The following MYO1E variants were observed in gnomAD, a reference collection of about 807,000 sequenced individuals.
The protein encoded by MYO1E is unconventional myosin-Ie.
A neutral mutation model predicts 151.1 loss-of-function variants in MYO1E; 68 were observed. The ratio of observed to expected loss-of-function variants is 0.45; its 90% CI spans 0.37 to 0.55. MYO1E has a LOEUF of 0.55. MYO1E is among the 20% of genes least tolerant of loss of function. The pLI is 0.00. For missense variants in MYO1E, 1,363 were observed against 1,389.3 expected, an observed-to-expected ratio of 0.98 and a Z score of 0.30; for synonymous variants, 601 against 501.7, an observed-to-expected ratio of 1.20 and a Z score of -2.64.
chr15:59,243,014 CG>C (rs1368940122), intron 4 of MYO1E, among the ~76,000 whole-genome samples: 8 of 150,692 alleles, frequency 5.3e-5, no homozygotes, highest in Non-Finnish European at 7.4e-5. Flanking sequence ...TGGGGGCCAA[CG>C]GAGTTGGGAT....
rs372477809 is a variant in MYO1E, at chr15:59,223,107, T to C, written c.862A>G (p.Ile288Val). ...IVAGILHLGN[I>V]SFKEVGNYAA... ...TAGTTGCCAACTTCTTTGAAGCTGA[T>C]GTTTCCCAGGTGGAGAATACCCGCC... Residue 288 changes from isoleucine (I) to valine (V), a missense_variant, in exon 9 of 28, where the codon ATC becomes GTC. By Grantham distance (29) the Ile-to-Val change is conservative. Coordinates refer to ENST00000288235, the MANE Select transcript of MYO1E (RefSeq NM_004998.4). The C allele has an allele frequency of 5.2e-5, 84 of 1,613,980 alleles. 1 individual carries two copies. Among genetic ancestry groups the C allele is most frequent in the South Asian group, 3.3e-4 (30 of 91,084 alleles).
intron 1 of MYO1E, among the ~76,000 whole-genome samples, chr15:59,276,561 C>T (rs1346932712): frequency 1.3e-5 from 2 of 152,170 alleles, no homozygotes; most frequent in African/African-American, 4.8e-5. Flanking sequence ...CTCTCAGATC[C>T]ACATTCCGTT....
chr15:59,172,099 G>C lies in MYO1E; in HGVS notation c.2335-57C>G, dbSNP rs2079598799. The C allele has an allele frequency of 1.9e-6, 3 of 1,582,940 alleles. No homozygotes were observed. In the South Asian group the frequency reaches 3.4e-5, roughly 18 times the overall value. ...AGGCCAGGCATGGTGGCTCACACCT[G>C]TAATCCCAGTACTTTCGGAGGCCGA... On this transcript the variant is annotated intron_variant, in intron 21 of 27. Coordinates refer to ENST00000288235, the MANE Select transcript of MYO1E (RefSeq NM_004998.4).
At chr15:59,320,304 A>G (rs1431443359) in intron 1 of MYO1E, among the ~76,000 whole-genome samples, 1 of 152,224 alleles carries the variant, frequency 6.6e-6, no homozygotes, top group Admixed American at 6.5e-5. Flanking sequence ...CATTTTTCAC[A>G]TAACTAAAAA....
At chr15:59,198,734 G>C (rs1021163183) in intron 16 of MYO1E, among the ~76,000 whole-genome samples, 1 of 151,808 alleles carries the variant, frequency 6.6e-6, no homozygotes, top group African/African-American at 2.4e-5. Flanking sequence ...CAGGAGGATC[G>C]CTTGAATCTG....
Position 59,182,366 on chromosome 15 carries a change from C to T in MYO1E, c.1905-3829G>A, listed in dbSNP as rs552078839. On this transcript the variant is annotated intron_variant, in intron 18 of 27. Transcript: ENST00000288235. ...TAGCTGGGACTACAGGCACCCGGCA[C>T]CATGCCTGGCTAATTTTTGTATTTT... Among the ~76,000 whole-genome samples, 58 of 152,248 alleles carry T rather than the reference C, an allele frequency of 3.8e-4. No individual in the cohort carries two copies. In the South Asian group the frequency reaches 9.1e-3, roughly 24 times the overall value.
chr15:59,233,539 C>T (rs2080041388), intron 5 of MYO1E, among the ~76,000 whole-genome samples: 1 of 151,866 alleles, frequency 6.6e-6, no homozygotes, highest in South Asian at 2.1e-4. Flanking sequence ...TGGTGCACGC[C>T]TGTAGTCCCA....
chr15:59,266,467 T>C (rs116667280), intron 2 of MYO1E, among the ~76,000 whole-genome samples: 2,381 of 152,284 alleles, frequency 0.016, 50 homozygotes, highest in African/African-American at 0.054. Flanking sequence ...TCTATCAGTT[T>C]TCATTGACCT....
At chr15:59,294,804 C>G (rs2080439736) in intron 1 of MYO1E, among the ~76,000 whole-genome samples, 1 of 152,204 alleles carries the variant, frequency 6.6e-6, no homozygotes, top group Non-Finnish European at 1.5e-5. Context: ...GCCTCATGCT[C>G]CTGCCACCAG....
In MYO1E at chr15:59,132,763, G is replaced by C. The variant is rs556004467; in HGVS notation, c.*4617C>G. On this transcript the variant is annotated 3_prime_UTR_variant, in exon 28 of 28. Coordinates refer to ENST00000288235, the MANE Select transcript of MYO1E (RefSeq NM_004998.4). ...TGGGGATAAGAGTGTCTCCCTCATA[G>C]GGTGGTGCTAAGTAAAGTATGCCAA... 6 of 152,302 alleles carry C rather than the reference G, an allele frequency of 3.9e-5. No individual in the cohort carries two copies. The highest frequency in any genetic ancestry group is 3.3e-4 in the Admixed American group (5 of 15,304). 9.4% of individuals were successfully genotyped at this position (152,302 alleles called of 1,614,324 possible).
At chr15:59,329,892 T>C in intron 1 of MYO1E, among the ~76,000 whole-genome samples, 1 of 152,204 alleles carries the variant, frequency 6.6e-6, no homozygotes, top group East Asian at 1.9e-4. Flanking sequence ...ATATTATTCA[T>C]GGAGGGAAAA....
intron 18 of MYO1E, among the ~76,000 whole-genome samples, chr15:59,182,449 G>A (rs1225242666): frequency 3.3e-5 from 5 of 152,116 alleles, no homozygotes; most frequent in African/African-American, 1.2e-4. Flanking sequence ...CTGATCTGAG[G>A]TGATCTGCCC....
At chr15:59,178,578 G>A (rs2079639697) in intron 18 of MYO1E, 41 bp from the exon 19 acceptor site, 1 of 1,605,994 alleles carries the variant, frequency 6.2e-7, no homozygotes, top group African/African-American at 1.3e-5. Context: ...ACTTGGGCGG[G>A]ACCGCACTGG....
intron 17 of MYO1E, 69 bp from the exon 18 acceptor site, chr15:59,188,285 A>G: frequency 7.8e-7 from 1 of 1,282,450 alleles, no homozygotes; most frequent in Non-Finnish European, 1.1e-6. Context: ...TTACCAGCCA[A>G]CCCCCAAGCC....
chr15:59,270,118 A>G (rs914876407), intron 2 of MYO1E, among the ~76,000 whole-genome samples: 3 of 152,246 alleles, frequency 2.0e-5, no homozygotes, highest in East Asian at 3.8e-4. Context: ...CAGAAGTTAT[A>G]TAAGTAAATA....
At chr15:59,197,256 G>C (rs1424007460) in intron 16 of MYO1E, among the ~76,000 whole-genome samples, 1 of 152,156 alleles carries the variant, frequency 6.6e-6, no homozygotes, top group Non-Finnish European at 1.5e-5. Flanking sequence ...GCCTCTCAAA[G>C]TGCTGGGATT....
In MYO1E at chr15:59,153,631, C is replaced by G. The variant is rs1280185350; in HGVS notation, c.3039G>C (p.Glu1013Asp). The part of the protein sequence containing the change: ...TSSDRVSQTP[E>D]SLDFLKVPDQ... ...CCGGGACCTTGAGGAAATCCAGGCT[C>G]TCTGGCGTCTGTGACACTCGGTCTG... is the stretch of plus-strand genomic sequence containing the variant. The change falls in exon 26 of 28, where the codon GAG (glutamate) becomes GAC (aspartate). Residue 1013 changes from glutamate to aspartate, a missense_variant. Glu to Asp is a conservative substitution (Grantham distance 45, BLOSUM62 2). Transcript: ENST00000288235. 1 of 1,614,194 alleles carries G rather than the reference C, an allele frequency of 6.2e-7. No individual in the cohort carries two copies. Among genetic ancestry groups the G allele is most frequent in the South Asian group, 1.1e-5 (1 of 91,076 alleles).
chr15:59,138,962 T>C (rs1315941585), intron 26 of MYO1E, among the ~76,000 whole-genome samples: 4 of 152,136 alleles, frequency 2.6e-5, no homozygotes, highest in Admixed American at 2.6e-4. Context: ...CCTGCAGCTA[T>C]CGTTCCTTCA....
intron 1 of MYO1E, among the ~76,000 whole-genome samples, chr15:59,357,484 G>C (rs566684344): frequency 6.7e-6 from 1 of 150,078 alleles, no homozygotes; most frequent in Non-Finnish European, 1.5e-5. Context: ...GAGAGCAGTG[G>C]TGCAATCTTG....
Sources: gnomAD v4.1 joint callset for allele counts (sites outside exome capture counted in the v4.1 genomes callset) on GRCh38, gnomAD v4.1.1 for gene constraint, MANE v1.5 for transcripts, NCBI Gene and HGNC (gene_info 2026-07-23, HGNC 2026-07-21) for gene names.